Variants in NR2C1 observed in about 807,000 individuals in gnomAD.
The protein encoded by NR2C1 is nuclear receptor subfamily 2 group C member 1.
A neutral mutation model predicts 74.8 loss-of-function variants in NR2C1; 33 were observed. The observed-to-expected ratio is 0.44, with a 90% CI of 0.33 to 0.59. The LOEUF (loss-of-function observed/expected upper bound fraction) is 0.59, where lower values mean the gene tolerates loss of function less well. Ranked by LOEUF, NR2C1 falls within the 20% of genes least tolerant of loss-of-function variation. The pLI is 0.02. For missense variants in NR2C1, 568 were observed against 715.6 expected (o/e 0.79, Z 2.35); for synonymous variants, 225 against 240.6 (o/e 0.94, Z 0.60).
At chr12:95,050,757 A>G (rs1872883088) in intron 8 of NR2C1, among the ~76,000 whole-genome samples, 1 of 151,992 alleles carries the variant, frequency 6.6e-6, no homozygotes, top group Non-Finnish European at 1.5e-5. Flanking sequence ...TTAAATGATA[A>G]ACGCAGTGTA....
At chr12:95,038,963 G>T (rs997757908) in intron 10 of NR2C1, among the ~76,000 whole-genome samples, 1 of 152,156 alleles carries the variant, frequency 6.6e-6, no homozygotes, top group Admixed American at 6.5e-5. Flanking sequence ...CACACTGGAC[G>T]TTGGGCGAGG....
chr12:95,063,816 G>C (rs1592790109), intron 2 of NR2C1, among the ~76,000 whole-genome samples: 1 of 151,336 alleles, frequency 6.6e-6, no homozygotes, highest in East Asian at 2.0e-4. Context: ...GATCCCTTGA[G>C]GTCAGGAGTT....
chr12:95,030,411 A>C (rs1418234029), intron 11 of NR2C1: 1 of 1,282,152 alleles, frequency 7.8e-7, no homozygotes, highest in Admixed American at 3.6e-5. Context: ...AAGCAGAATA[A>C]AGTTTTACAA....
In NR2C1 at chr12:95,027,920, T is replaced by C. The variant is rs74555883; in HGVS notation, c.1531+467A>G. 8.7e-3 allele frequency among the ~76,000 whole-genome samples: 1,332 copies of C among 152,328 alleles called. 23 individuals are homozygous for C. The highest frequency in any genetic ancestry group is 0.029 in the African/African-American group (1,221 of 41,574). Reference sequence around the variant, plus strand: ...CAACCACTTACCTATTTTATGTCTATACAGGTTTACCTATTTTGCGTATTT... The same window carrying C: ...CAACCACTTACCTATTTTATGTCTACACAGGTTTACCTATTTTGCGTATTT... On this transcript the variant is annotated intron_variant, in intron 12 of 13. Coordinates refer to ENST00000333003, the MANE Select transcript of NR2C1 (RefSeq NM_003297.4).
chr12:95,038,998 T>C (rs553437748), intron 10 of NR2C1, among the ~76,000 whole-genome samples: 350 of 152,160 alleles, frequency 2.3e-3, no homozygotes, highest in Non-Finnish European at 3.8e-3. Context: ...ATGGGAGGCA[T>C]CCATATAGGA....
intron 1 of NR2C1, 111 bp from the exon 2 acceptor site, chr12:95,067,502 A>C (rs1875894963): frequency 9.2e-6 from 8 of 868,372 alleles, no homozygotes; most frequent in Non-Finnish European, 1.2e-5. Flanking sequence ...TAATCTAGTT[A>C]AGGTGGGAGG....
chr12:95,040,698 A>AAT, intron 9 of NR2C1, 101 bp from the exon 10 acceptor site: 1 of 1,069,758 alleles, frequency 9.3e-7, no homozygotes, highest in Non-Finnish European at 1.3e-6. Flanking sequence ...AATGAGAGCT[A>AAT]ATATATTCAC....
Position 95,062,676 on chromosome 12 carries a change from G to A in NR2C1, c.117C>T (p.Thr39=). The A allele has an allele frequency of 6.2e-7, 1 of 1,613,980 alleles. No homozygotes were observed. The highest frequency in any genetic ancestry group is 2.2e-5 in the East Asian group (1 of 44,882). The change falls in exon 3 of 14, where the codon ACC becomes ACT. Residue 39 remains threonine (T), a synonymous_variant. Coordinates refer to ENST00000333003, the MANE Select transcript of NR2C1 (RefSeq NM_003297.4). The stretch of plus-strand genomic sequence containing the variant: ...TTGTCAGAATGAACTGCTTGCCTTG[G>A]GTATTATGATCAAGTGCTGTCACAA... ...IQIVTALDHN[T]QGKQFILTNH... is the part of the protein sequence containing the mutation.
chr12:95,070,786 C>T (rs1450043611), intron 1 of NR2C1, among the ~76,000 whole-genome samples: 1 of 152,180 alleles, frequency 6.6e-6, no homozygotes, highest in Non-Finnish European at 1.5e-5. Flanking sequence ...ATCCGACTTC[C>T]CCCTATTCTC....
chr12:95,061,164 A>G (rs1325277344), intron 3 of NR2C1, among the ~76,000 whole-genome samples: 2 of 152,232 alleles, frequency 1.3e-5, no homozygotes, highest in Non-Finnish European at 2.9e-5. Flanking sequence ...AAAAACAAGG[A>G]AAGTCTGAGA....
Position 95,059,984 on chromosome 12 carries a change from G to T in NR2C1, c.286C>A (p.Leu96Ile). Residue 96 changes from leucine to isoleucine, a missense_variant and splice_region_variant, in exon 4 of 14, where the codon CTC (leucine) becomes ATC (isoleucine). Leu to Ile is a conservative substitution (Grantham distance 5). Coordinates refer to ENST00000333003, the MANE Select transcript of NR2C1 (RefSeq NM_003297.4). ...TPDLSAQHLQ[L>I]LTDNSPDQGP... ...TGGTCTGGAGAATTATCTGTTAGGA[G>T]CTAAAAAAAAAAAAAAAAAAAAAGA... 3.7e-6 allele frequency: 4 copies of T among 1,071,770 alleles called. No individual in the cohort carries two copies. The highest frequency in any genetic ancestry group is 1.6e-5 in the South Asian group (1 of 62,392). 66.4% of individuals were successfully genotyped at this position (1,071,770 alleles called of 1,614,324 possible). A position where few individuals can be genotyped will look rare whatever the true frequency, so the allele number is the denominator to read the frequency against.
intron 7 of NR2C1, among the ~76,000 whole-genome samples, chr12:95,053,065 C>A (rs1468427723): frequency 6.6e-6 from 1 of 151,836 alleles, no homozygotes; most frequent in Non-Finnish European, 1.5e-5. Context: ...CTCACTGCAA[C>A]CTCCAACTCC....
At chr12:95,046,089 G>A (rs144821706) in intron 9 of NR2C1, among the ~76,000 whole-genome samples, 1,786 of 152,076 alleles carry the variant, frequency 0.012, 32 homozygotes, top group African/African-American at 0.041. Context: ...ATCTGCCTGC[G>A]TAGGCCTCCC....
intron 12 of NR2C1, among the ~76,000 whole-genome samples, chr12:95,025,851 G>C (rs1161657712): frequency 6.6e-6 from 1 of 151,376 alleles, no homozygotes; most frequent in African/African-American, 2.4e-5. Flanking sequence ...TCCAAAAGTA[G>C]TAAGAATGCA....
chr12:95,022,869 TG>T (rs777125605), intron 13 of NR2C1, among the ~76,000 whole-genome samples: 7 of 143,828 alleles, frequency 4.9e-5, no homozygotes, highest in Non-Finnish European at 7.9e-5. Context: ...TAATTGTGTT[TG>T]TTTTTTTTTT....
intron 10 of NR2C1, among the ~76,000 whole-genome samples, chr12:95,035,353 A>C (rs1870685814): frequency 6.6e-6 from 1 of 152,166 alleles, no homozygotes; most frequent in African/African-American, 2.4e-5. Context: ...AGCTAACATG[A>C]AGGAAGTTAG....
In NR2C1 at chr12:95,024,673, T is replaced by C. The variant is rs138376631; in HGVS notation, c.1637+477A>G. Among the ~76,000 whole-genome samples the C allele has an allele frequency of 6.4e-4, 97 of 152,300 alleles. 1 individual carries two copies. Among genetic ancestry groups the C allele is most frequent in the African/African-American group, 1.3e-3 (52 of 41,576 alleles). On this transcript the variant is annotated intron_variant, in intron 13 of 13. Transcript: ENST00000333003. The stretch of plus-strand genomic sequence containing the variant: ...AGCGTAGGAGTATGATCACAGCTCA[T>C]TGCAGTCTCACCTCAGCTTTCTGAG...
Position 95,028,380 on chromosome 12 carries a change from T to C in NR2C1, c.1531+7A>G. ...TTATTTTGAATAAAAAGTAAATGTTTATATACCTGGACTGAAGAGTACTAT... is the reference window on the plus strand; with the variant it reads ...TTATTTTGAATAAAAAGTAAATGTTCATATACCTGGACTGAAGAGTACTAT... On this transcript the variant is annotated splice_region_variant and intron_variant, in intron 12 of 13. Transcript: ENST00000333003. The C allele has an allele frequency of 6.2e-7, 1 of 1,604,868 alleles. No individual in the cohort carries two copies. Among genetic ancestry groups the C allele is most frequent in the South Asian group, 1.1e-5 (1 of 89,600 alleles).
chr12:95,030,810 A>T, intron 11 of NR2C1: 1 of 1,613,602 alleles, frequency 6.2e-7, no homozygotes, highest in Non-Finnish European at 8.5e-7. Context: ...TCTATAGTTA[A>T]GCATTTATAA....
Sources: allele counts gnomAD v4.1 joint callset (sites outside exome capture counted in the v4.1 genomes callset), GRCh38; gene constraint gnomAD v4.1.1; transcripts MANE v1.5; gene names NCBI Gene and HGNC (gene_info 2026-07-23, HGNC 2026-07-21).